Variants in GPHN observed in about 807,000 individuals in gnomAD.
The protein encoded by GPHN is gephyrin.
A neutral mutation model predicts 95.5 loss-of-function variants in GPHN; 17 were observed. The observed-to-expected ratio is 0.18, with a 90% CI of 0.12 to 0.27. GPHN has a LOEUF of 0.27. Among genes scored for constraint, GPHN ranks in the 10% least tolerant of loss-of-function variants. GPHN has a pLI of 1.00. For synonymous variants in GPHN, 320 were observed against 322.5 expected, an observed-to-expected ratio of 0.99 and a Z score of 0.08; for missense variants, 660 against 978.1, an observed-to-expected ratio of 0.67 and a Z score of 4.34.
At chr14:67,271,779 A>G in the GPHN span, 4 of 152,272 alleles carry the variant, frequency 2.6e-5, no homozygotes, top group Admixed American at 6.5e-5. Context: ...TCTGATAGAT[A>G]GAATAATGGT....
chr14:66,578,155 T>C (rs2060984357), intron 1 of GPHN, among the ~76,000 whole-genome samples: 1 of 151,730 alleles, frequency 6.6e-6, no homozygotes, highest in African/African-American at 2.4e-5. Flanking sequence ...AAACAAAAAT[T>C]TATAAATATG....
Position 66,956,540 on chromosome 14 carries a change from G to A in GPHN, c.829-8651G>A, listed in dbSNP as rs529998817. 2.4e-3 allele frequency among the ~76,000 whole-genome samples: 363 copies of A among 151,978 alleles called. 4 individuals carry two copies. The highest frequency in any genetic ancestry group is 8.3e-3 in the African/African-American group (342 of 41,452). On this transcript the variant is annotated intron_variant, in intron 8 of 22. Transcript: ENST00000478722. ...TTCCTATTTCTCCACATCCTCTCCA[G>A]CACCTGTTGTTTCCTGACTTTTTAA...
chr14:66,982,744 A>G (rs901309678), intron 9 of GPHN, among the ~76,000 whole-genome samples: 4 of 152,186 alleles, frequency 2.6e-5, no homozygotes, highest in Non-Finnish European at 4.4e-5. Context: ...TTTACATTCA[A>G]TTCTCAGACT....
At chr14:67,237,500 T>A in the GPHN span, among the ~76,000 whole-genome samples, 4 of 152,008 alleles carry the variant, frequency 2.6e-5, no homozygotes, top group Non-Finnish European at 4.4e-5. Context: ...TTTTTTTTAA[T>A]TTTTAGAGAA....
chr14:67,209,363 T>G, the GPHN span, among the ~76,000 whole-genome samples: 1 of 152,188 alleles, frequency 6.6e-6, no homozygotes, highest in Non-Finnish European at 1.5e-5. Flanking sequence ...AGATATTTTA[T>G]ACAGGTGGTC....
intron 1 of GPHN, among the ~76,000 whole-genome samples, chr14:66,668,573 C>T (rs772638599): frequency 1.3e-5 from 2 of 152,108 alleles, no homozygotes; most frequent in Non-Finnish European, 1.5e-5. Flanking sequence ...GGAATGGGAA[C>T]TGAATGGTGA....
chr14:67,215,471 T>C, the GPHN span, among the ~76,000 whole-genome samples: 6 of 151,678 alleles, frequency 4.0e-5, no homozygotes, highest in Admixed American at 6.6e-5. Flanking sequence ...GAAGGGCAAC[T>C]TGTAAGTCTG....
At chr14:67,541,628 A>G in the GPHN span, among the ~76,000 whole-genome samples, 2 of 152,204 alleles carry the variant, frequency 1.3e-5, no homozygotes, top group Non-Finnish European at 2.9e-5. Context: ...TGAGGCTCTC[A>G]GCTAACTTAC....
chr14:67,549,127 G>A, the GPHN span, among the ~76,000 whole-genome samples: 85 of 152,312 alleles, frequency 5.6e-4, no homozygotes, highest in African/African-American at 2.0e-3. Flanking sequence ...TTGGAAGTAT[G>A]TTGAAGTTTG....
the GPHN span, among the ~76,000 whole-genome samples, chr14:67,194,330 C>T: frequency 3.3e-4 from 50 of 151,288 alleles, no homozygotes; most frequent in East Asian, 5.1e-3. Flanking sequence ...CTCCATTGCA[C>T]TCCAGCCTGG....
At chr14:67,160,787 A>G (rs1422181600) in intron 19 of GPHN, among the ~76,000 whole-genome samples, 1 of 152,218 alleles carries the variant, frequency 6.6e-6, no homozygotes, top group Non-Finnish European at 1.5e-5. Flanking sequence ...TTAAAGTATC[A>G]AGCTAGCCCT....
At chr14:67,556,220 G>C in the GPHN span, among the ~76,000 whole-genome samples, 1 of 152,222 alleles carries the variant, frequency 6.6e-6, no homozygotes, top group Non-Finnish European at 1.5e-5. Context: ...CAGGAATCCA[G>C]GTTAAAGGAG....
At chr14:67,640,147 T>C in the GPHN span, among the ~76,000 whole-genome samples, 15 of 152,186 alleles carry the variant, frequency 9.9e-5, no homozygotes, top group Non-Finnish European at 7.3e-5. Context: ...GATGTTTTAT[T>C]TGGTTCACAT....
chr14:67,122,236 G>T lies in GPHN; in HGVS notation c.1627-20G>T, dbSNP rs113201928. 1,063 of 1,612,084 alleles carry T rather than the reference G, an allele frequency of 6.6e-4. 11 individuals carry two copies. The African/African-American group carries it at 0.012, about 18-fold the overall frequency. On this transcript the variant is annotated intron_variant, in intron 16 of 22. Transcript: ENST00000478722. ...CATTAACCTAATAGAATAATTTGTG[G>T]TGGTTTTTTGGCTTTGTAGCTGCTA...
At chr14:67,260,862 T>C in the GPHN span, among the ~76,000 whole-genome samples, 5 of 152,084 alleles carry the variant, frequency 3.3e-5, no homozygotes, top group African/African-American at 1.2e-4. Context: ...GCAAGTAGTT[T>C]GATTCAGAAG....
At chr14:67,291,920 G>T in the GPHN span, among the ~76,000 whole-genome samples, 3 of 152,248 alleles carry the variant, frequency 2.0e-5, no homozygotes, top group East Asian at 5.8e-4. Flanking sequence ...TTATCTAAAA[G>T]TTCTATTTCT....
At chr14:67,574,256 G>T in the GPHN span, 2 of 1,605,482 alleles carry the variant, frequency 1.2e-6, no homozygotes, top group Non-Finnish European at 8.5e-7. This position sits in a 1 kb window ranked among gnomAD's most constrained non-coding sequence, Gnocchi z 4.2. Flanking sequence ...TCTCTGAGAA[G>T]AAAACCTACT....
At position 66,838,555 on chromosome 14, in the gene GPHN, A is replaced by G. The variant is rs113704638; in HGVS notation, c.294+13989A>G. 3.1e-3 allele frequency among the ~76,000 whole-genome samples: 470 copies of G among 152,286 alleles called. 11 individuals are homozygous for G. Among genetic ancestry groups the G allele is most frequent in the African/African-American group, 0.011 (445 of 41,576 alleles). On this transcript the variant is annotated intron_variant, in intron 4 of 22. Transcript: ENST00000478722. The stretch of plus-strand genomic sequence containing the variant: ...AAATCTACTCTTGTAAAATGAAAAG[A>G]GGCTAGCATACCAGAATACTTTGGT...
At chr14:66,726,149 A>G (rs2071215501) in intron 2 of GPHN, among the ~76,000 whole-genome samples, 1 of 152,224 alleles carries the variant, frequency 6.6e-6, no homozygotes, top group African/African-American at 2.4e-5. Flanking sequence ...ACTTTTTTGC[A>G]AGGCAAATCA....
Sources: gnomAD v4.1 joint callset for allele counts (sites outside exome capture counted in the v4.1 genomes callset) on GRCh38, gnomAD v4.1.1 for gene constraint, Gnocchi (gnomAD v3.1) non-coding constraint, MANE v1.5 for transcripts, NCBI Gene and HGNC (gene_info 2026-07-23, HGNC 2026-07-21) for gene names.